The following CHIC2 variants were observed in gnomAD, a reference collection of about 807,000 sequenced individuals.
CHIC2 encodes the protein cysteine-rich hydrophobic domain-containing protein 2.
A neutral mutation model predicts 25.9 loss-of-function variants in CHIC2; 14 were observed. That is an observed-to-expected ratio of 0.54 (90% CI 0.36 to 0.85). The LOEUF (loss-of-function observed/expected upper bound fraction) is 0.85. Among genes scored for constraint, CHIC2 ranks in the 40% least tolerant of loss-of-function variants. The pLI is 0.01. For synonymous variants in CHIC2, 70 were observed against 72.0 expected (o/e 0.97, Z 0.14); for missense variants, 146 against 202.0 (o/e 0.72, Z 1.68).
chr4:54,044,923 G>A (rs1398484974), intron 3 of CHIC2, among the ~76,000 whole-genome samples: 1 of 152,042 alleles, frequency 6.6e-6, no homozygotes, highest in Non-Finnish European at 1.5e-5. Context: ...AAGAAGAAAA[G>A]AGAGAAGAAT....
At chr4:54,061,046 A>C (rs1717318008) in intron 1 of CHIC2, 1 of 152,184 alleles carries the variant, frequency 6.6e-6, no homozygotes, top group African/African-American at 2.4e-5. Flanking sequence ...AAACAGAAGA[A>C]TGTCAGAAAA....
chr4:54,032,640 C>A (rs1042269166), intron 3 of CHIC2, among the ~76,000 whole-genome samples: 1 of 151,994 alleles, frequency 6.6e-6, no homozygotes, highest in African/African-American at 2.4e-5. Flanking sequence ...AATTTATATA[C>A]CTAATTACAG....
chr4:54,087,669 G>A, the CHIC2 span: 105 of 549,672 alleles, frequency 1.9e-4, no homozygotes, highest in African/African-American at 1.8e-3. Flanking sequence ...AGAGCCTTGC[G>A]TTATTGTTGG....
the CHIC2 span, among the ~76,000 whole-genome samples, chr4:54,091,542 C>T: frequency 6.6e-6 from 1 of 152,316 alleles, no homozygotes; most frequent in African/African-American, 2.4e-5. Context: ...ACGCTTCACT[C>T]ACACAGCTCC....
At chr4:54,070,446 G>A in the CHIC2 span, among the ~76,000 whole-genome samples, 10 of 151,568 alleles carry the variant, frequency 6.6e-5, 1 homozygote, top group South Asian at 4.2e-4. Flanking sequence ...ATTTTGAGAC[G>A]GAGTTTACTC....
intron 3 of CHIC2, among the ~76,000 whole-genome samples, chr4:54,043,345 C>T (rs780928743): frequency 3.2e-4 from 48 of 148,324 alleles, no homozygotes; most frequent in Middle Eastern, 3.5e-3. Flanking sequence ...GGCGTGAACA[C>T]GGGAGGTGGA....
the CHIC2 span, among the ~76,000 whole-genome samples, chr4:54,070,359 A>G: frequency 6.6e-6 from 1 of 152,186 alleles, no homozygotes; most frequent in Admixed American, 6.5e-5. Flanking sequence ...CCAGGCAGTG[A>G]CATTATCAGA....
chr4:54,018,721 C>T (rs1210046544), intron 3 of CHIC2, among the ~76,000 whole-genome samples: 1 of 151,810 alleles, frequency 6.6e-6, no homozygotes, highest in African/African-American at 2.4e-5. Flanking sequence ...GTCTTTAGAA[C>T]AAAAATATGC....
chr4:54,045,828 G>A (rs1422397894), intron 3 of CHIC2, among the ~76,000 whole-genome samples: 2 of 151,594 alleles, frequency 1.3e-5, no homozygotes, highest in Non-Finnish European at 3.0e-5. Context: ...GGAAATAAAG[G>A]GCATTCAATT....
At chr4:54,087,838 G>C in the CHIC2 span, 8 of 360,748 alleles carry the variant, frequency 2.2e-5, no homozygotes, top group Non-Finnish European at 3.7e-5. Flanking sequence ...AACACTTTTT[G>C]TTCTTAGTCT....
chr4:54,010,583 G>C (rs763299581), intron 5 of CHIC2, among the ~76,000 whole-genome samples: 3 of 152,134 alleles, frequency 2.0e-5, no homozygotes, highest in Non-Finnish European at 4.4e-5. Context: ...TATGAGGCAA[G>C]TATTATAATC....
chr4:54,050,892 T>G (rs1281518348), intron 1 of CHIC2, among the ~76,000 whole-genome samples: 2 of 151,856 alleles, frequency 1.3e-5, no homozygotes, highest in Non-Finnish European at 2.9e-5. Context: ...ATCTTCACTT[T>G]AACCAAAAAC....
chr4:54,075,401 G>A, the CHIC2 span, among the ~76,000 whole-genome samples: 5 of 152,122 alleles, frequency 3.3e-5, no homozygotes, highest in South Asian at 8.3e-4. Context: ...TTAAGTGAAC[G>A]TCTTCAGAAA....
At chr4:54,047,868 A>T (rs949613937) in intron 3 of CHIC2, among the ~76,000 whole-genome samples, 2 of 151,976 alleles carry the variant, frequency 1.3e-5, no homozygotes, top group Non-Finnish European at 2.9e-5. Context: ...TTATTTATTT[A>T]AAAAAATTTT....
At chr4:54,016,672 G>GA (rs923995218) in intron 3 of CHIC2, among the ~76,000 whole-genome samples, 26 of 150,208 alleles carry the variant, frequency 1.7e-4, no homozygotes, top group African/African-American at 2.2e-4. Flanking sequence ...CTTGACAGGT[G>GA]AAAAAAAAAG....
At chr4:54,086,908 T>C in the CHIC2 span, 4 of 616,660 alleles carry the variant, frequency 6.5e-6, no homozygotes, top group Non-Finnish European at 1.2e-5. Flanking sequence ...GATTGTTGGT[T>C]GGAATAAAAA....
chr4:54,067,956 T>C (rs930083100), upstream of CHIC2, among the ~76,000 whole-genome samples: 2 of 146,056 alleles, frequency 1.4e-5, no homozygotes, highest in African/African-American at 5.0e-5. Flanking sequence ...GCCCTAACCC[T>C]CAATGTAATG....
chr4:54,081,122 A>T, the CHIC2 span, among the ~76,000 whole-genome samples: 1 of 151,588 alleles, frequency 6.6e-6, no homozygotes, highest in African/African-American at 2.4e-5. Context: ...CACTGCCTAT[A>T]AATTAAGACC....
chr4:54,068,373 G>A (rs2110099880), upstream of CHIC2, among the ~76,000 whole-genome samples: 1 of 152,266 alleles, frequency 6.6e-6, no homozygotes, highest in East Asian at 1.9e-4. Flanking sequence ...GAGCTGGTTT[G>A]CCCCTTCCAC....
Sources: gnomAD v4.1 joint callset for allele counts (sites outside exome capture counted in the v4.1 genomes callset) on GRCh38, gnomAD v4.1.1 for gene constraint, MANE v1.5 for transcripts, NCBI Gene and HGNC (gene_info 2026-07-23, HGNC 2026-07-21) for gene names.